The following ST6GALNAC3 variants were observed in gnomAD, a reference collection of about 807,000 sequenced individuals.
ST6GALNAC3 encodes the protein ST6 N-acetylgalactosaminide alpha-2,6-sialyltransferase 3, also known as alpha-N-acetylgalactosaminide alpha-2,6-sialyltransferase 3.
ST6GALNAC3 carries 25 observed loss-of-function variants against 32.7 expected under a neutral mutation model. That is an observed-to-expected ratio of 0.76 (90% CI 0.56 to 1.07). The LOEUF (loss-of-function observed/expected upper bound fraction) is 1.07. Among genes scored for constraint, ST6GALNAC3 ranks in the 50% least tolerant of loss-of-function variants. The pLI, the probability that ST6GALNAC3 is intolerant of heterozygous loss-of-function variation, is 0.00. For missense variants in ST6GALNAC3, 355 were observed against 382.4 expected, an observed-to-expected ratio of 0.93 and a Z score of 0.60; for synonymous variants, 129 against 133.1, an observed-to-expected ratio of 0.97 and a Z score of 0.21.
chr1:76,146,834 A>G (rs897222485), intron 1 of ST6GALNAC3, among the ~76,000 whole-genome samples: 2 of 152,118 alleles, frequency 1.3e-5, no homozygotes, highest in African/African-American at 4.8e-5. Context: ...TGGTTTTCTC[A>G]TTTCTGAATT....
chr1:76,523,685 A>G lies in ST6GALNAC3; in HGVS notation c.624-103767A>G, dbSNP rs114584357. On this transcript the variant is annotated intron_variant, in intron 3 of 4. Coordinates refer to ENST00000328299, the MANE Select transcript of ST6GALNAC3 (RefSeq NM_152996.4). ...CATCCTAGCAAGTTTTTGTATTCTCAGCACTGGGAGAGTACAAAATGTCCC... is the reference window on the plus strand; with the variant it reads ...CATCCTAGCAAGTTTTTGTATTCTCGGCACTGGGAGAGTACAAAATGTCCC... Among the ~76,000 whole-genome samples, 945 of 152,274 alleles carry G rather than the reference A, an allele frequency of 6.2e-3. 17 individuals are homozygous for G. Among genetic ancestry groups the G allele is most frequent in the African/African-American group, 0.022 (906 of 41,558 alleles).
At chr1:76,229,977 C>T (rs1271417767) in intron 1 of ST6GALNAC3, among the ~76,000 whole-genome samples, 1 of 152,132 alleles carries the variant, frequency 6.6e-6, no homozygotes, top group Non-Finnish European at 1.5e-5. Context: ...CCTTTTCAAA[C>T]ATTATCCTCA....
At chr1:76,580,999 G>A (rs1190282733) in intron 3 of ST6GALNAC3, among the ~76,000 whole-genome samples, 4 of 152,104 alleles carry the variant, frequency 2.6e-5, no homozygotes, top group Non-Finnish European at 2.9e-5. Context: ...AATGGATCTG[G>A]AGAGGGTGGA....
intron 3 of ST6GALNAC3, among the ~76,000 whole-genome samples, chr1:76,487,544 G>A (rs1196730356): frequency 9.2e-5 from 14 of 152,122 alleles, no homozygotes; most frequent in East Asian, 3.9e-4. Flanking sequence ...TGCATTCATC[G>A]CGTAGTTCTC....
intron 1 of ST6GALNAC3, among the ~76,000 whole-genome samples, chr1:76,136,371 G>A (rs1274118009): frequency 1.3e-5 from 2 of 152,164 alleles, no homozygotes; most frequent in African/African-American, 2.4e-5. Context: ...TAATGTGTGA[G>A]GGTTTTGATA....
At chr1:76,235,940 A>G (rs1332492987) in intron 1 of ST6GALNAC3, among the ~76,000 whole-genome samples, 2 of 151,438 alleles carry the variant, frequency 1.3e-5, no homozygotes, top group African/African-American at 4.9e-5. Flanking sequence ...ACAGGGACCC[A>G]TCCTACTCCA....
intron 3 of ST6GALNAC3, among the ~76,000 whole-genome samples, chr1:76,416,627 G>GTT (rs758529243): frequency 0.15 from 16,554 of 113,380 alleles, 2,105 homozygotes; most frequent in Middle Eastern, 0.23. Context: ...TGTGGGTTTT[G>GTT]TTTTTTTTTT....
intron 2 of ST6GALNAC3, among the ~76,000 whole-genome samples, chr1:76,390,957 TGAGATGGAG>T (rs1652492058): frequency 7.0e-6 from 1 of 142,070 alleles, no homozygotes; most frequent in Non-Finnish European, 1.5e-5. Context: ...TTTTTTTTTT[TGAGATGGAG>T]TCTCGCACTG....
intron 3 of ST6GALNAC3, among the ~76,000 whole-genome samples, chr1:76,571,125 T>C (rs1264769979): frequency 6.6e-6 from 1 of 152,160 alleles, no homozygotes. Context: ...CATTTAATTT[T>C]ACACCAGATA....
In ST6GALNAC3 at chr1:76,627,579, T is replaced by C. The variant is rs1649053379; in HGVS notation, c.731+20T>C. 2 of 1,529,038 alleles carry C rather than the reference T, an allele frequency of 1.3e-6. No individual in the cohort carries two copies. The highest frequency in any genetic ancestry group is 4.5e-5 in the East Asian group (2 of 44,484). The allele number at this position is 1,529,038 out of a possible 1,614,324, so 94.7% of individuals were successfully genotyped here. On this transcript the variant is annotated intron_variant, in intron 4 of 4. Transcript: ENST00000328299. ...CTGCAAGTAAGATCACAAGAAATTA[T>C]TTTTATGCAGCTCCAATTCGGAGAT...
chr1:76,337,150 C>A (rs1647551912), intron 2 of ST6GALNAC3, among the ~76,000 whole-genome samples: 1 of 152,190 alleles, frequency 6.6e-6, no homozygotes, highest in Non-Finnish European at 1.5e-5. Context: ...TCTCCTAGAT[C>A]CGCCCCCTCA....
intron 3 of ST6GALNAC3, among the ~76,000 whole-genome samples, chr1:76,617,385 G>A (rs1197433693): frequency 2.0e-5 from 3 of 151,644 alleles, no homozygotes; most frequent in Admixed American, 1.3e-4. Flanking sequence ...TCATAGGAAA[G>A]TATACGAAGA....
Position 76,403,964 on chromosome 1 carries a change from C to T in ST6GALNAC3, c.214-8044C>T, listed in dbSNP as rs915057788. On this transcript the variant is annotated intron_variant, in intron 2 of 4. Transcript: ENST00000328299. ...CTCCCAGTCTGGAGAAAACATGTTG[C>T]GTTCCTCTGGCACATGTACATGTTT... is the stretch of plus-strand genomic sequence containing the variant. 4.6e-5 allele frequency among the ~76,000 whole-genome samples: 7 copies of T among 152,008 alleles called. No homozygotes were observed. In the East Asian group the frequency reaches 5.8e-4, roughly 13 times the overall value.
At chr1:76,379,086 T>C (rs972701426) in intron 2 of ST6GALNAC3, among the ~76,000 whole-genome samples, 1 of 152,110 alleles carries the variant, frequency 6.6e-6, no homozygotes, top group Non-Finnish European at 1.5e-5. Context: ...TTTGTAAAGA[T>C]GGGGCTTCAC....
chr1:76,597,303 A>G lies in ST6GALNAC3; in HGVS notation c.624-30149A>G, dbSNP rs186460431. Among the ~76,000 whole-genome samples the G allele has an allele frequency of 9.5e-4, 144 of 152,232 alleles. 1 individual carries two copies. The highest frequency in any genetic ancestry group is 1.3e-3 in the Non-Finnish European group (91 of 68,006). On this transcript the variant is annotated intron_variant, in intron 3 of 4. Coordinates refer to ENST00000328299, the MANE Select transcript of ST6GALNAC3 (RefSeq NM_152996.4). Reference sequence around the variant, plus strand: ...ACCATATATTTATTTCAGTAAGTATATGTCGCTTGCTGGGTCCTGGTAATG... The same window carrying G: ...ACCATATATTTATTTCAGTAAGTATGTGTCGCTTGCTGGGTCCTGGTAATG...
At chr1:76,104,361 T>C (rs566338842) in intron 1 of ST6GALNAC3, among the ~76,000 whole-genome samples, 48 of 152,322 alleles carry the variant, frequency 3.2e-4, no homozygotes, top group African/African-American at 1.2e-3. Flanking sequence ...TTGAGATGGC[T>C]TGAAGATGAT....
At chr1:76,144,330 G>A (rs167049) in intron 1 of ST6GALNAC3, among the ~76,000 whole-genome samples, 101,300 of 152,078 alleles carry the variant, frequency 0.67, 35,826 homozygotes, top group East Asian at 0.91. Context: ...TAAGCAAGAA[G>A]CCATAAGTTT....
At chr1:76,234,544 A>G (rs1439353682) in intron 1 of ST6GALNAC3, among the ~76,000 whole-genome samples, 1 of 152,248 alleles carries the variant, frequency 6.6e-6, no homozygotes, top group Non-Finnish European at 1.5e-5. Flanking sequence ...CTAAAGCCTT[A>G]TGTGCTATAT....
At position 76,525,737 on chromosome 1, in the gene ST6GALNAC3, G is replaced by GTA. The variant is rs199929352; in HGVS notation, c.624-101705_624-101704dup. 1.2e-3 allele frequency among the ~76,000 whole-genome samples: 160 copies of GTA among 131,124 alleles called. 2 individuals carry two copies. The Middle Eastern group carries it at 0.019, about 16-fold the overall frequency. 86.0% of individuals were successfully genotyped at this position (131,124 alleles called of 152,430 possible). On this transcript the variant is annotated intron_variant, in intron 3 of 4. Transcript: ENST00000328299. ...CAACTATATATATGTGTGTGTATAT[G>GTA]TATATATATATGTGTATATATGTGT...
Sources: gnomAD v4.1 joint callset for allele counts (sites outside exome capture counted in the v4.1 genomes callset) on GRCh38, gnomAD v4.1.1 for gene constraint, MANE v1.5 for transcripts, NCBI Gene and HGNC (gene_info 2026-07-23, HGNC 2026-07-21) for gene names.